Variants in GJA8 observed in about 807,000 individuals in gnomAD.
GJA8 encodes gap junction alpha-8 protein.
A neutral mutation model predicts 15.3 loss-of-function variants in GJA8; 13 were observed. The observed-to-expected ratio is 0.85, with a 90% CI of 0.55 to 1.35. The LOEUF (loss-of-function observed/expected upper bound fraction) is 1.35, where lower values mean the gene tolerates loss of function less well. GJA8 is among the 40% of genes most tolerant of loss of function. GJA8 has a pLI of 0.00. For missense variants in GJA8, 607 were observed against 553.3 expected (o/e 1.10, Z -0.97); for synonymous variants, 304 against 238.7 (o/e 1.27, Z -2.52).
At chr1:147,909,315 A>C, downstream of GJA8, 2 of 1,210,184 alleles carry the variant, frequency 1.7e-6, no homozygotes, top group Non-Finnish European at 2.4e-6. Flanking sequence ...AGATGAAAGG[A>C]ACAGGTGCCA....
intron 1 of GJA8, among the ~76,000 whole-genome samples, chr1:147,906,970 C>T (rs1651824218): frequency 6.6e-6 from 1 of 152,044 alleles, no homozygotes; most frequent in Non-Finnish European, 1.5e-5. Context: ...ACTGCAACCT[C>T]GACCTCCCAG....
chr1:147,910,463 C>T (rs1484807959), downstream of GJA8, among the ~76,000 whole-genome samples: 1 of 152,048 alleles, frequency 6.6e-6, no homozygotes, highest in Non-Finnish European at 1.5e-5. Context: ...TCATTGTAGC[C>T]CCTGGGTTCT....
chr1:147,908,722 C>T lies in GJA8; in HGVS notation c.767C>T (p.Ala256Val), dbSNP rs782360772. 1.2e-6 allele frequency: 2 copies of T among 1,614,138 alleles called. No individual in the cohort carries two copies. Among genetic ancestry groups the T allele is most frequent in the Non-Finnish European group, 1.7e-6 (2 of 1,179,980 alleles). The change falls in exon 2 of 2, where the codon GCT becomes GTT. Residue 256 changes from alanine (A) to valine (V), a missense_variant. By Grantham distance (64) the Ala-to-Val change is moderately conservative (BLOSUM62 0). Transcript: ENST00000369235. The part of the protein sequence containing the change: ...EIPEKSLHSI[A>V]VSSIQKAKGY... ...CCTGAGAAATCCCTCCACTCCATTG[C>T]TGTCTCCTCCATCCAGAAAGCCAAG...
In GJA8 at chr1:147,908,256, C is replaced by T. The variant is rs1553242609; in HGVS notation, c.301C>T (p.Arg101Cys). Residue 101 changes from arginine (R) to cysteine (C), a missense_variant, in exon 2 of 2, where the codon CGC becomes TGC. Arg to Cys is a radical substitution (Grantham distance 180). Transcript: ENST00000369235. ...CGTGGGGCACGCGGTGCACTACGTC[C>T]GCATGGAGGAGAAGCGCAAAAGCCG... ...MYVGHAVHYVRMEEKRKSREA... is the reference protein window; with the variant it reads ...MYVGHAVHYVCMEEKRKSREA... The T allele has an allele frequency of 1.2e-6, 2 of 1,614,060 alleles. No homozygotes were observed. Among genetic ancestry groups the T allele is most frequent in the African/African-American group, 1.3e-5 (1 of 74,922 alleles).
intron 1 of GJA8, among the ~76,000 whole-genome samples, chr1:147,907,019 G>A (rs587719588): frequency 6.6e-6 from 1 of 151,832 alleles, no homozygotes; most frequent in South Asian, 2.1e-4. Context: ...CCAAGTAGCT[G>A]GGAACACAGG....
downstream of GJA8, among the ~76,000 whole-genome samples, chr1:147,909,572 C>T (rs587597861): frequency 6.6e-6 from 1 of 152,300 alleles, no homozygotes; most frequent in African/African-American, 2.4e-5. Context: ...ACCCTTAAAT[C>T]GGAATTGGGG....
At chr1:147,909,285 G>A (rs782467773), downstream of GJA8, 10 of 1,076,258 alleles carry the variant, frequency 9.3e-6, no homozygotes, top group Admixed American at 3.7e-5. Context: ...AAAAAAAAAC[G>A]CCCAAGCTTA....
rs587744008 is a variant in GJA8, at chr1:147,905,626, G to A, written c.-11-2319G>A. 3.3e-5 allele frequency among the ~76,000 whole-genome samples: 5 copies of A among 152,216 alleles called. No individual in the cohort carries two copies. In the East Asian group the frequency reaches 9.6e-4, roughly 29 times the overall value. ...GAACTTTTTCCTGGCTCTGCCACCA[G>A]TGAGCTTTATGCTTGGGCTGCTTAC... On this transcript the variant is annotated intron_variant, in intron 1 of 1. Transcript: ENST00000369235.
intron 1 of GJA8, among the ~76,000 whole-genome samples, chr1:147,906,815 C>G (rs28684437): frequency 3.2e-4 from 49 of 152,208 alleles, no homozygotes; most frequent in African/African-American, 1.1e-3. Flanking sequence ...GCAAACAGAA[C>G]TGCTGCTATT....
intron 1 of GJA8, among the ~76,000 whole-genome samples, chr1:147,905,591 G>T (rs6657114): frequency 0.27 from 41,085 of 152,032 alleles, 5,743 homozygotes; most frequent in East Asian, 0.38. Context: ...TGAACTATTT[G>T]ATAAGAAATG....
downstream of GJA8, among the ~76,000 whole-genome samples, chr1:147,912,968 T>C (rs913207469): frequency 6.6e-6 from 1 of 151,558 alleles, no homozygotes; most frequent in South Asian, 2.1e-4. Context: ...CTTTGTCCCC[T>C]GCCACACAGG....
In GJA8 at chr1:147,908,811, A is replaced by G. The variant is rs782485460; in HGVS notation, c.856A>G (p.Met286Val). 1.2e-6 allele frequency: 2 copies of G among 1,614,166 alleles called. No homozygotes were observed. The highest frequency in any genetic ancestry group is 1.1e-5 in the South Asian group (1 of 91,082). The change falls in exon 2 of 2, where the codon ATG becomes GTG. Residue 286 changes from methionine (M) to valine (V), a missense_variant. Coordinates refer to ENST00000369235, the MANE Select transcript of GJA8 (RefSeq NM_005267.5). ...SHYFPLTEVG[M>V]VETSPLPAKP... ...CTATTTCCCCTTGACCGAGGTTGGG[A>G]TGGTGGAGACCAGCCCACTGCCTGC... is the stretch of plus-strand genomic sequence containing the variant.
Sources: allele counts gnomAD v4.1 joint callset (sites outside exome capture counted in the v4.1 genomes callset), GRCh38; gene constraint gnomAD v4.1.1; transcripts MANE v1.5; gene names NCBI Gene and HGNC (gene_info 2026-07-23, HGNC 2026-07-21).